The following SYT16 variants were observed in gnomAD, a reference collection of about 807,000 sequenced individuals.
SYT16 encodes synaptotagmin 16.
SYT16 carries 42 observed loss-of-function variants against 61.4 expected under a neutral mutation model. That is an observed-to-expected ratio of 0.68 (90% CI 0.53 to 0.89). The LOEUF is 0.89. Among genes scored for constraint, SYT16 ranks in the 40% least tolerant of loss-of-function variants. The probability of loss-of-function intolerance (pLI) is 0.00; values close to 1 mark genes in which losing one functional copy is unlikely to be tolerated. For missense variants in SYT16, 804 were observed against 807.3 expected, an observed-to-expected ratio of 1.00 and a Z score of 0.05; for synonymous variants, 314 against 302.3, an observed-to-expected ratio of 1.04 and a Z score of -0.40.
At chr14:61,953,394 T>G (rs1211980291) in intron 1 of SYT16, among the ~76,000 whole-genome samples, 2 of 152,156 alleles carry the variant, frequency 1.3e-5, no homozygotes, top group Non-Finnish European at 2.9e-5. Context: ...AATCTCCTCT[T>G]TGAAAACTTC....
intron 3 of SYT16, among the ~76,000 whole-genome samples, chr14:62,048,233 A>C (rs1401012092): frequency 1.3e-5 from 2 of 152,094 alleles, no homozygotes; most frequent in Non-Finnish European, 2.9e-5. Flanking sequence ...GAATTTATCC[A>C]TTTCTTCTAG....
chr14:61,932,457 C>T (rs527732191), intron 1 of SYT16, among the ~76,000 whole-genome samples: 38 of 152,304 alleles, frequency 2.5e-4, no homozygotes, highest in African/African-American at 8.7e-4. Flanking sequence ...GAAGCAGGCA[C>T]ATCTTACATG....
At chr14:61,874,470 G>C (rs148712465) in intron 1 of SYT16, among the ~76,000 whole-genome samples, 76 of 152,278 alleles carry the variant, frequency 5.0e-4, no homozygotes, top group African/African-American at 1.8e-3. Flanking sequence ...CAAATCCCTT[G>C]TGTATACCGA....
intron 3 of SYT16, among the ~76,000 whole-genome samples, chr14:62,032,580 G>A (rs1241501897): frequency 2.0e-5 from 3 of 151,950 alleles, no homozygotes; most frequent in Non-Finnish European, 2.9e-5. Flanking sequence ...TTCACATAGG[G>A]TAATGATACT....
At chr14:61,887,747 G>A (rs1476124451) in intron 1 of SYT16, among the ~76,000 whole-genome samples, 9 of 152,174 alleles carry the variant, frequency 5.9e-5, no homozygotes, top group Non-Finnish European at 1.2e-4. Flanking sequence ...AGCCTTCATA[G>A]AATTGAAGAG....
intron 1 of SYT16, among the ~76,000 whole-genome samples, chr14:61,939,201 T>C (rs529068237): frequency 2.6e-4 from 39 of 152,254 alleles, no homozygotes; most frequent in African/African-American, 8.7e-4. Flanking sequence ...CTGGGAACTT[T>C]GCTATAGAAG....
At chr14:61,974,117 C>T (rs988467053) in intron 2 of SYT16, among the ~76,000 whole-genome samples, 8 of 152,102 alleles carry the variant, frequency 5.3e-5, no homozygotes, top group Admixed American at 1.3e-4. Context: ...CTTGAGAAGA[C>T]GCCGCTGCTA....
At chr14:62,072,336 A>G (rs945857893) in intron 4 of SYT16, among the ~76,000 whole-genome samples, 1 of 152,192 alleles carries the variant, frequency 6.6e-6, no homozygotes, top group African/African-American at 2.4e-5. Flanking sequence ...ACATGCATAT[A>G]TGTACATACA....
At chr14:61,932,843 C>T (rs1198766400) in intron 1 of SYT16, among the ~76,000 whole-genome samples, 2 of 152,118 alleles carry the variant, frequency 1.3e-5, no homozygotes, top group Non-Finnish European at 1.5e-5. Context: ...GGGAGTGAGT[C>T]CCATAAATGC....
intron 3 of SYT16, among the ~76,000 whole-genome samples, chr14:62,052,652 G>GGGTT (rs1258494980): frequency 1.3e-5 from 2 of 152,196 alleles, no homozygotes; most frequent in African/African-American, 4.8e-5. Flanking sequence ...TAATCCTGAT[G>GGGTT]GGTTGGTACT....
At chr14:61,959,605 A>G (rs2051033551) in intron 1 of SYT16, among the ~76,000 whole-genome samples, 1 of 152,134 alleles carries the variant, frequency 6.6e-6, no homozygotes, top group Non-Finnish European at 1.5e-5. Context: ...TTCTGTGGTT[A>G]TAGTTATTCT....
intron 1 of SYT16, among the ~76,000 whole-genome samples, chr14:61,834,834 T>A (rs2140241837): frequency 6.6e-6 from 1 of 152,332 alleles, no homozygotes; most frequent in South Asian, 2.1e-4. Context: ...CTCTTAAAAT[T>A]ATTCATTAAA....
chr14:61,894,292 A>T lies in SYT16; in HGVS notation c.-324-75840A>T, dbSNP rs566354901. On this transcript the variant is annotated intron_variant, in intron 1 of 7. Transcript: ENST00000683842. ...AAGAACGAAACTCTGTCTCGAAATT[A>T]AAAAAAAAAAAAAAAGCCTGTTCAT... Among the ~76,000 whole-genome samples the T allele has an allele frequency of 4.4e-5, 6 of 135,636 alleles. No homozygotes were observed. In the East Asian group the frequency reaches 1.0e-3, roughly 23 times the overall value. The allele number at this position is 135,636 out of a possible 152,430, so 89.0% of individuals were successfully genotyped here.
intron 2 of SYT16, among the ~76,000 whole-genome samples, chr14:61,991,601 T>C (rs2052552183): frequency 6.6e-6 from 1 of 152,206 alleles, no homozygotes; most frequent in African/African-American, 2.4e-5. Context: ...AGGTAGTTTT[T>C]CAGATTCTAG....
At chr14:62,032,747 T>C (rs2054357471) in intron 3 of SYT16, among the ~76,000 whole-genome samples, 1 of 151,902 alleles carries the variant, frequency 6.6e-6, no homozygotes, top group Non-Finnish European at 1.5e-5. Context: ...ATTTAACAGA[T>C]TAAAATGAAC....
At chr14:61,902,708 A>G (rs1378295250) in intron 1 of SYT16, among the ~76,000 whole-genome samples, 1 of 152,200 alleles carries the variant, frequency 6.6e-6, no homozygotes, top group East Asian at 1.9e-4. Context: ...GTAATTTATA[A>G]AGAAAAAGGT....
intron 7 of SYT16, among the ~76,000 whole-genome samples, chr14:62,087,296 G>A (rs1412611913): frequency 2.6e-5 from 4 of 152,186 alleles, no homozygotes; most frequent in Admixed American, 1.3e-4. Context: ...GGCGGAGGCC[G>A]CATGCCAAGT....
chr14:61,925,620 C>T (rs954216931), intron 1 of SYT16, among the ~76,000 whole-genome samples: 51 of 152,152 alleles, frequency 3.4e-4, no homozygotes, highest in African/African-American at 1.1e-3. Flanking sequence ...TTTCCTTGTA[C>T]AGAGAACATG....
At chr14:62,072,820 T>A (rs1386147235) in intron 4 of SYT16, among the ~76,000 whole-genome samples, 1 of 152,146 alleles carries the variant, frequency 6.6e-6, no homozygotes, top group Non-Finnish European at 1.5e-5. Context: ...ATGAAAAAAG[T>A]ATTTGAATAA....
Sources: gnomAD v4.1 joint callset for allele counts (sites outside exome capture counted in the v4.1 genomes callset) on GRCh38, gnomAD v4.1.1 for gene constraint, MANE v1.5 for transcripts, NCBI Gene and HGNC (gene_info 2026-07-23, HGNC 2026-07-21) for gene names.